ATP6V0A4: variants seen among roughly 807,000 people sequenced by gnomAD.
ATP6V0A4 encodes V-type proton ATPase 116 kDa subunit a 4.
ATP6V0A4 carries 86 observed loss-of-function variants against 107.3 expected under a neutral mutation model. That is an observed-to-expected ratio of 0.80 (90% CI 0.67 to 0.96). ATP6V0A4 has a LOEUF of 0.96. Ranked by LOEUF, ATP6V0A4 falls within the 40% of genes least tolerant of loss-of-function variation. The pLI is 0.00. For synonymous variants in ATP6V0A4, 353 were observed against 381.4 expected (o/e 0.93, Z 0.87); for missense variants, 908 against 1,045.6 (o/e 0.87, Z 1.81).
chr7:138,794,629 G>A (rs3778688), intron 1 of ATP6V0A4, among the ~76,000 whole-genome samples: 70,537 of 151,594 alleles, frequency 0.47, 16,553 homozygotes, highest in South Asian at 0.6. Flanking sequence ...TTAAAATAGT[G>A]TGTGTAACCA....
At chr7:138,707,097 A>AGTGTGTGTGTG (rs1562972241) in intron 21 of ATP6V0A4, among the ~76,000 whole-genome samples, 29 of 47,014 alleles carry the variant, frequency 6.2e-4, no homozygotes, top group African/African-American at 3.9e-3. Context: ...TGTGTGTATA[A>AGTGTGTGTGTG]TATATCATAT....
chr7:138,789,087 T>A (rs992940593), intron 1 of ATP6V0A4, among the ~76,000 whole-genome samples: 1 of 152,228 alleles, frequency 6.6e-6, no homozygotes, highest in African/African-American at 2.4e-5. Context: ...GTCTTCTTTC[T>A]AGTCTTCTTT....
chr7:138,788,760 T>A (rs1808273148), intron 1 of ATP6V0A4, among the ~76,000 whole-genome samples: 1 of 152,150 alleles, frequency 6.6e-6, no homozygotes, highest in Non-Finnish European at 1.5e-5. Context: ...TGATAGGAAA[T>A]GAGTCTCACA....
intron 15 of ATP6V0A4, among the ~76,000 whole-genome samples, chr7:138,737,323 AG>A (rs112887695): frequency 0.028 from 4,269 of 150,898 alleles, 198 homozygotes; most frequent in African/African-American, 0.099. Flanking sequence ...TGGTTTTATA[AG>A]GGGAAACCCC....
rs888542204 is a variant in ATP6V0A4, at chr7:138,709,764, C to A, written c.2289G>T (p.Met763Ile). 6.2e-7 allele frequency: 1 copy of A among 1,614,064 alleles called. No homozygotes were observed. Among genetic ancestry groups the A allele is most frequent in the African/African-American group, 1.3e-5 (1 of 75,040 alleles). The change falls in exon 21 of 22, where the codon ATG becomes ATT. Residue 763 changes from methionine (M) to isoleucine (I), a missense_variant. Physicochemically the swap from Met to Ile is conservative, Grantham distance 10. Transcript: ENST00000310018. ...QLSEVLWTMV[M>I]NSGLQTRGWG... ...AGCCTCGCGTCTGAAGGCCGCTGTTCATCACCATAGTCCAGAGCACTTCAG... is the reference window on the plus strand; with the variant it reads ...AGCCTCGCGTCTGAAGGCCGCTGTTAATCACCATAGTCCAGAGCACTTCAG...
At chr7:138,721,657 G>A (rs193230799) in intron 19 of ATP6V0A4, among the ~76,000 whole-genome samples, 2 of 152,306 alleles carry the variant, frequency 1.3e-5, no homozygotes, top group Non-Finnish European at 2.9e-5. Context: ...TACAGATGCA[G>A]CGGTACTTGG....
intron 16 of ATP6V0A4, among the ~76,000 whole-genome samples, chr7:138,733,401 G>A (rs781660363): frequency 7.2e-5 from 11 of 151,998 alleles, no homozygotes; most frequent in Admixed American, 1.3e-4. Context: ...CTACAGCTTC[G>A]CATGCAGACC....
At position 138,715,770 on chromosome 7, in the gene ATP6V0A4, G is replaced by T; in HGVS notation, c.2251C>A (p.His751Asn). 1 of 1,613,736 alleles carries T rather than the reference G, an allele frequency of 6.2e-7. No individual in the cohort carries two copies. Among genetic ancestry groups the T allele is most frequent in the Non-Finnish European group, 8.5e-7 (1 of 1,179,704 alleles). ...YLRLWALSLA[H>N]AQLSEVLWTM... ...CGATGGGCTGCTCACTCACGTGCAT[G>T]AGCCAGGCTGAGGGCCCAGAGCCGC... is the stretch of plus-strand genomic sequence containing the variant. The change falls in exon 20 of 22, where the codon CAT becomes AAT. Residue 751 changes from histidine (H) to asparagine (N), a missense_variant. By Grantham distance (68) the His-to-Asn change is moderately conservative. Transcript: ENST00000310018.
chr7:138,792,303 A>G (rs1386449505), intron 1 of ATP6V0A4, among the ~76,000 whole-genome samples: 1 of 152,164 alleles, frequency 6.6e-6, no homozygotes, highest in East Asian at 1.9e-4. Flanking sequence ...AAATGGAGTT[A>G]AAGTTCTGAG....
intron 1 of ATP6V0A4, among the ~76,000 whole-genome samples, chr7:138,793,453 G>A (rs180771916): frequency 1.3e-5 from 2 of 152,204 alleles, no homozygotes; most frequent in Non-Finnish European, 2.9e-5. Flanking sequence ...AAAGAAACCC[G>A]CAATCATCTC....
chr7:138,770,197 AGAAAAGTAAAGTAAAAAGAAAG>A (rs951628953), intron 3 of ATP6V0A4, among the ~76,000 whole-genome samples: 1 of 152,144 alleles, frequency 6.6e-6, no homozygotes, highest in Non-Finnish European at 1.5e-5. Context: ...GCCTGAAAAA[AGAAAAGTAAAGTAAAAAGAAAG>A]GAAAAGAAAA....
rs532104674 is a variant in ATP6V0A4, at chr7:138,751,709, A to T, written c.1029+916T>A. 1.4e-4 allele frequency among the ~76,000 whole-genome samples: 21 copies of T among 152,100 alleles called. No homozygotes were observed. In the South Asian group the frequency reaches 3.1e-3, roughly 23 times the overall value. ...GAATGGAGGGAGCGGTGAGAACTCAACGAGGACAGAGTGCTTAGCCATCTC... is the reference window on the plus strand; with the variant it reads ...GAATGGAGGGAGCGGTGAGAACTCATCGAGGACAGAGTGCTTAGCCATCTC... On this transcript the variant is annotated intron_variant, in intron 11 of 21. Coordinates refer to ENST00000310018, the MANE Select transcript of ATP6V0A4 (RefSeq NM_020632.3).
intron 19 of ATP6V0A4, 60 bp downstream of exon 19, chr7:138,721,837 G>A: frequency 6.3e-7 from 1 of 1,599,058 alleles, no homozygotes; most frequent in Non-Finnish European, 8.6e-7. Flanking sequence ...TACTGCCTAT[G>A]TCCATTCTAG....
rs996967811 is a variant in ATP6V0A4, at chr7:138,722,212, G to C, written c.2011-187C>G. ...AGCACAATTATCACCCTATTTTCTA[G>C]AGAAGTAAGCTGCAGCACAGAAAGG... On this transcript the variant is annotated intron_variant, in intron 18 of 21. Transcript: ENST00000310018. 15 of 573,550 alleles carry C rather than the reference G, an allele frequency of 2.6e-5. No individual in the cohort carries two copies. The African/African-American group carries it at 2.9e-4, about 11-fold the overall frequency. 35.5% of individuals were successfully genotyped at this position (573,550 alleles called of 1,614,324 possible).
intron 8 of ATP6V0A4, among the ~76,000 whole-genome samples, chr7:138,757,541 CA>C (rs1806574541): frequency 6.6e-6 from 1 of 151,898 alleles, no homozygotes; most frequent in South Asian, 2.1e-4. Flanking sequence ...AAAACAAAAA[CA>C]AAAACTATTG....
At chr7:138,745,912 C>T (rs1285272877) in intron 13 of ATP6V0A4, among the ~76,000 whole-genome samples, 1 of 76,882 alleles carries the variant, frequency 1.3e-5, no homozygotes, top group Non-Finnish European at 2.8e-5. Flanking sequence ...CCACTGCCCT[C>T]CGGCCTGGGT....
chr7:138,715,949 C>T, intron 19 of ATP6V0A4, 68 bp from the exon 20 acceptor site: 3 of 1,587,152 alleles, frequency 1.9e-6, no homozygotes, highest in South Asian at 1.1e-5. Context: ...CCAAATGATG[C>T]AAAGATGAAT....
intron 5 of ATP6V0A4, among the ~76,000 whole-genome samples, chr7:138,763,990 A>ATG (rs1584935933): frequency 6.1e-5 from 9 of 148,462 alleles, no homozygotes; most frequent in Non-Finnish European, 1.3e-4. Context: ...ATATATATAT[A>ATG]TATGTATATA....
At chr7:138,792,666 T>G (rs780883516) in intron 1 of ATP6V0A4, among the ~76,000 whole-genome samples, 13 of 152,162 alleles carry the variant, frequency 8.5e-5, no homozygotes, top group Non-Finnish European at 1.8e-4. Flanking sequence ...GACTCCATCA[T>G]GGCTCCCTGC....
Sources: allele counts gnomAD v4.1 joint callset (sites outside exome capture counted in the v4.1 genomes callset), GRCh38; gene constraint gnomAD v4.1.1; transcripts MANE v1.5; gene names NCBI Gene and HGNC (gene_info 2026-07-23, HGNC 2026-07-21).